The following TMEM62 variants were observed in gnomAD, a reference collection of about 807,000 sequenced individuals.
The protein encoded by TMEM62 is transmembrane protein 62.
TMEM62 carries 41 observed loss-of-function variants against 70.4 expected under a neutral mutation model. The observed-to-expected ratio is 0.58, with a 90% CI of 0.45 to 0.76. The LOEUF (loss-of-function observed/expected upper bound fraction) is 0.76. Ranked by LOEUF, TMEM62 falls within the 30% of genes least tolerant of loss-of-function variation. The pLI, the probability that TMEM62 is intolerant of heterozygous loss-of-function variation, is 0.00. For synonymous variants in TMEM62, 268 were observed against 291.0 expected (o/e 0.92, Z 0.80); for missense variants, 688 against 788.5 (o/e 0.87, Z 1.53).
intron 11 of TMEM62, among the ~76,000 whole-genome samples, chr15:43,176,538 G>A (rs1026868222): frequency 6.6e-6 from 1 of 152,190 alleles, no homozygotes; most frequent in Non-Finnish European, 1.5e-5. Context: ...AAAATCCGCT[G>A]TTCTGCAGCC....
intron 11 of TMEM62, among the ~76,000 whole-genome samples, chr15:43,172,120 A>G (rs1055610601): frequency 8.5e-5 from 13 of 152,180 alleles, no homozygotes; most frequent in African/African-American, 2.9e-4. Context: ...TTTCTATGCA[A>G]TTTAAGAAAC....
intron 10 of TMEM62, among the ~76,000 whole-genome samples, chr15:43,166,900 G>A (rs1485961248): frequency 6.6e-6 from 1 of 152,176 alleles, no homozygotes; most frequent in Non-Finnish European, 1.5e-5. Context: ...ATTTTTCTTA[G>A]TACAGAACAA....
intron 4 of TMEM62, among the ~76,000 whole-genome samples, chr15:43,145,147 T>C (rs1476087581): frequency 7.4e-6 from 1 of 135,314 alleles, no homozygotes; most frequent in African/African-American, 2.7e-5. Context: ...GAACATAAAA[T>C]AAGCAAGAAA....
chr15:43,167,629 C>A (rs1237709503), intron 10 of TMEM62, among the ~76,000 whole-genome samples: 4 of 151,252 alleles, frequency 2.6e-5, no homozygotes, highest in Non-Finnish European at 4.4e-5. Flanking sequence ...AGACGCTCCT[C>A]ACTTTCCAGA....
chr15:43,141,580 A>C (rs1258225219), intron 4 of TMEM62, among the ~76,000 whole-genome samples: 4 of 152,272 alleles, frequency 2.6e-5, no homozygotes, highest in Non-Finnish European at 4.4e-5. Flanking sequence ...CGCAGTATTC[A>C]TTCTATAGCC....
At chr15:43,160,939 A>T in intron 10 of TMEM62, 145 bp downstream of exon 10, 1 of 403,628 alleles carries the variant, frequency 2.5e-6, no homozygotes, top group Non-Finnish European at 4.4e-6. Context: ...ATATAATAAG[A>T]TATTTTGAGA....
chr15:43,167,138 G>C (rs1462511491), intron 10 of TMEM62, among the ~76,000 whole-genome samples: 5 of 148,036 alleles, frequency 3.4e-5, no homozygotes, highest in African/African-American at 1.0e-4. Context: ...CTCACCTCCC[G>C]GACTGGGCGG....
intron 4 of TMEM62, among the ~76,000 whole-genome samples, chr15:43,141,457 T>C (rs1360221144): frequency 6.6e-6 from 1 of 152,184 alleles, no homozygotes; most frequent in Non-Finnish European, 1.5e-5. Flanking sequence ...GAACTACTGC[T>C]CAGAAAAAAA....
chr15:43,153,713 TACAC>T (rs923999854), intron 8 of TMEM62, among the ~76,000 whole-genome samples: 3 of 152,062 alleles, frequency 2.0e-5, no homozygotes, highest in African/African-American at 7.2e-5. Context: ...TATACACACA[TACAC>T]ACATACCACA....
At chr15:43,153,156 G>A (rs2037605844) in intron 8 of TMEM62, among the ~76,000 whole-genome samples, 1 of 151,956 alleles carries the variant, frequency 6.6e-6, no homozygotes, top group Admixed American at 6.6e-5. Context: ...TCTAGAAGTG[G>A]GATTCTAGGT....
chr15:43,133,874 G>A lies in TMEM62; in HGVS notation c.72G>A (p.Glu24=). 1 of 1,499,846 alleles carries A rather than the reference G, an allele frequency of 6.7e-7. No individual in the cohort carries two copies. Among genetic ancestry groups the A allele is most frequent in the South Asian group, 1.3e-5 (1 of 79,972 alleles). The allele number at this position is 1,499,846 out of a possible 1,614,324, so 92.9% of individuals were successfully genotyped here. A position where few individuals can be genotyped will look rare whatever the true frequency, so the allele number is the denominator to read the frequency against. The change falls in exon 1 of 14, where the codon GAG becomes GAA. Residue 24 remains glutamate (E), a synonymous_variant. Transcript: ENST00000260403. ...CAGCGCTGGTGGCCATGCTCTTGGA[G>A]CACTACGGCCTGGCGGGCCAGCCCT... is the stretch of plus-strand genomic sequence containing the variant. ...AAAALVAMLL[E]HYGLAGQPSP...
At chr15:43,181,157 T>A in intron 12 of TMEM62, 24 bp from the exon 13 acceptor site, 1 of 1,419,736 alleles carries the variant, frequency 7.0e-7, no homozygotes, top group Non-Finnish European at 1.0e-6. Flanking sequence ...AATCTCCTCC[T>A]TTTTTGTCCA....
intron 1 of TMEM62, 66 bp downstream of exon 1, chr15:43,134,048 C>A: frequency 7.0e-7 from 1 of 1,436,662 alleles, no homozygotes; most frequent in Non-Finnish European, 9.1e-7. Context: ...GGGACCCTTG[C>A]GGGTGTTGGG....
At chr15:43,163,740 C>A (rs1345323887) in intron 10 of TMEM62, among the ~76,000 whole-genome samples, 1 of 151,866 alleles carries the variant, frequency 6.6e-6, no homozygotes, top group African/African-American at 2.4e-5. Context: ...CAAGATCATG[C>A]CACTGCACTT....
At chr15:43,157,749 CTT>C (rs1320187299) in intron 9 of TMEM62, among the ~76,000 whole-genome samples, 1 of 152,072 alleles carries the variant, frequency 6.6e-6, no homozygotes, top group Non-Finnish European at 1.5e-5. Context: ...TTTTTAAAAA[CTT>C]AACCATGATA....
chr15:43,136,353 T>C (rs1476214139), intron 3 of TMEM62, among the ~76,000 whole-genome samples: 3 of 152,164 alleles, frequency 2.0e-5, no homozygotes, highest in Non-Finnish European at 4.4e-5. Flanking sequence ...TTTGTCAAAA[T>C]CCATAGAACT....
chr15:43,134,295 C>G lies in TMEM62; in HGVS notation c.219C>G (p.Gly73=). 6.2e-7 allele frequency: 1 copy of G among 1,614,220 alleles called. No homozygotes were observed. The highest frequency in any genetic ancestry group is 8.5e-7 in the Non-Finnish European group (1 of 1,180,040). Residue 73 remains glycine, a synonymous_variant, in exon 2 of 14, where the codon GGC becomes GGG. Transcript: ENST00000260403. Reference sequence around the variant, plus strand: ...ACCTGAGCAGGTTTCGAGATCCAGGCAGAGCGGTAGACTTAGAGAAATTCT... The same window carrying G: ...ACCTGAGCAGGTTTCGAGATCCAGGGAGAGCGGTAGACTTAGAGAAATTCT... ...DIHLSRFRDP[G]RAVDLEKFCS... is the part of the protein sequence containing the mutation.
At chr15:43,166,790 C>T (rs1298076276) in intron 10 of TMEM62, among the ~76,000 whole-genome samples, 3 of 152,200 alleles carry the variant, frequency 2.0e-5, no homozygotes, top group South Asian at 2.1e-4. Context: ...CATCTTGCAC[C>T]GCCCTTAATC....
At chr15:43,142,678 G>GT (rs1006016765) in intron 4 of TMEM62, among the ~76,000 whole-genome samples, 112 of 145,498 alleles carry the variant, frequency 7.7e-4, no homozygotes, top group Non-Finnish European at 1.1e-3. Context: ...TGTTTTTTTG[G>GT]TTTTTTTTTT....
Sources: allele counts gnomAD v4.1 joint callset (sites outside exome capture counted in the v4.1 genomes callset), GRCh38; gene constraint gnomAD v4.1.1; transcripts MANE v1.5; gene names NCBI Gene and HGNC (gene_info 2026-07-23, HGNC 2026-07-21).